AK5: variants seen among roughly 807,000 people sequenced by gnomAD.
The protein encoded by AK5 is adenylate kinase 5.
Under a neutral mutation model 69.5 loss-of-function variants are expected in AK5, and 27 were observed. The ratio of observed to expected loss-of-function variants is 0.39; its 90% confidence interval spans 0.29 to 0.54. The LOEUF (loss-of-function observed/expected upper bound fraction) is 0.54. Ranked by LOEUF, AK5 falls within the 20% of genes least tolerant of loss-of-function variation. AK5 has a pLI of 0.71. For synonymous variants in AK5, 260 were observed against 244.4 expected (o/e 1.06, Z -0.60); for missense variants, 531 against 700.4 (o/e 0.76, Z 2.73).
chr1:77,541,813 C>T (rs1230166009), intron 13 of AK5, among the ~76,000 whole-genome samples: 1 of 152,150 alleles, frequency 6.6e-6, no homozygotes, highest in African/African-American at 2.4e-5. Flanking sequence ...TGCACATTAC[C>T]ACGGCACTCT....
intron 2 of AK5, among the ~76,000 whole-genome samples, chr1:77,288,347 A>C (rs572753433): frequency 6.6e-6 from 1 of 152,296 alleles, no homozygotes; most frequent in South Asian, 2.1e-4. Flanking sequence ...ATTCTGTTCT[A>C]GTGGCCAAAA....
chr1:77,442,477 G>A (rs1167572353), intron 8 of AK5, among the ~76,000 whole-genome samples: 2 of 152,096 alleles, frequency 1.3e-5, no homozygotes, highest in African/African-American at 2.4e-5. Flanking sequence ...GAGCTGCTGC[G>A]ATCCTCTTGC....
chr1:77,285,279 C>T (rs1658290063), intron 1 of AK5, among the ~76,000 whole-genome samples: 1 of 152,190 alleles, frequency 6.6e-6, no homozygotes. Context: ...ATGTGAGAAG[C>T]TCAACTGCAA....
At chr1:77,472,292 G>A (rs1161869965) in intron 8 of AK5, among the ~76,000 whole-genome samples, 2 of 152,164 alleles carry the variant, frequency 1.3e-5, no homozygotes, top group East Asian at 3.9e-4. Flanking sequence ...AACGCATAGG[G>A]GATGCCTCCT....
chr1:77,475,398 AATATATATGTATATATATACTATATATT>A lies in AK5; in HGVS notation c.1060-7900_1060-7873del, dbSNP rs372299000. 1.4e-3 allele frequency among the ~76,000 whole-genome samples: 57 copies of A among 41,136 alleles called. 1 individual carries two copies. The highest frequency in any genetic ancestry group is 5.0e-3 in the African/African-American group (56 of 11,124). The allele number at this position is 41,136 out of a possible 152,430, so 27.0% of individuals were successfully genotyped here. ...ATATATTATATATATGTATATATAT[AATATATATGTATATATATACTATATATT>A]ATATATATGTATATATATTATATAT... On this transcript the variant is annotated intron_variant, in intron 8 of 13. Transcript: ENST00000354567.
At chr1:77,486,805 C>T (rs1175864004) in intron 10 of AK5, among the ~76,000 whole-genome samples, 9 of 152,006 alleles carry the variant, frequency 5.9e-5, no homozygotes, top group African/African-American at 1.2e-4. Flanking sequence ...ATTTCTTTCA[C>T]GTATGCAGTT....
At chr1:77,495,293 A>G (rs1656244337) in intron 10 of AK5, among the ~76,000 whole-genome samples, 1 of 152,272 alleles carries the variant, frequency 6.6e-6, no homozygotes, top group Non-Finnish European at 1.5e-5. Flanking sequence ...AAAAGCAAGG[A>G]AACCAAAATG....
chr1:77,339,608 A>G (rs1000626668), intron 5 of AK5, among the ~76,000 whole-genome samples: 3 of 150,968 alleles, frequency 2.0e-5, no homozygotes, highest in South Asian at 2.1e-4. Flanking sequence ...TGGAGATAAC[A>G]TTTACCTTGC....
chr1:77,329,194 GA>G (rs11324649), intron 5 of AK5, among the ~76,000 whole-genome samples: 45,172 of 112,588 alleles, frequency 0.4, 7,657 homozygotes, highest in Middle Eastern at 0.52. Context: ...CTCCCTCAGT[GA>G]AAAAAAAAAA....
chr1:77,496,674 G>A lies in AK5; in HGVS notation c.1147+10322G>A, dbSNP rs1162238747. 2.0e-5 allele frequency among the ~76,000 whole-genome samples: 3 copies of A among 152,302 alleles called. No homozygotes were observed. The East Asian group carries it at 5.8e-4, about 29-fold the overall frequency. The stretch of plus-strand genomic sequence containing the variant: ...ACAGCCACATGGATGGAAGTGAGAG[G>A]TGAAGCCAGCTGGGCTTCTGGGTTG... On this transcript the variant is annotated intron_variant, in intron 10 of 13. Coordinates refer to ENST00000354567, the MANE Select transcript of AK5 (RefSeq NM_174858.3).
chr1:77,379,808 T>C (rs966412172), intron 6 of AK5, among the ~76,000 whole-genome samples: 1 of 152,226 alleles, frequency 6.6e-6, no homozygotes. Flanking sequence ...TTCTCAGATT[T>C]TAACTTGTAT....
chr1:77,493,075 A>G (rs1656090220), intron 10 of AK5, among the ~76,000 whole-genome samples: 1 of 152,164 alleles, frequency 6.6e-6, no homozygotes, highest in Non-Finnish European at 1.5e-5. Flanking sequence ...TTTAGGTGTC[A>G]ACTTGACTGG....
chr1:77,364,191 AT>A (rs1242467541), intron 6 of AK5, among the ~76,000 whole-genome samples: 1 of 152,190 alleles, frequency 6.6e-6, no homozygotes, highest in African/African-American at 2.4e-5. Context: ...TACCATAGAA[AT>A]GTATGGAATT....
At chr1:77,545,642 G>T (rs1171426619) in intron 13 of AK5, among the ~76,000 whole-genome samples, 1 of 152,126 alleles carries the variant, frequency 6.6e-6, no homozygotes, top group African/African-American at 2.4e-5. Flanking sequence ...GGCTCTCCAT[G>T]TTGCCCTGGG....
chr1:77,542,310 G>A (rs952858577), intron 13 of AK5, among the ~76,000 whole-genome samples: 10 of 152,180 alleles, frequency 6.6e-5, no homozygotes, highest in South Asian at 6.2e-4. Flanking sequence ...ATGACAAAAC[G>A]AGACTCGGTC....
intron 6 of AK5, chr1:77,346,264 C>T (rs1416749201): frequency 3.3e-5 from 5 of 152,102 alleles, no homozygotes. Context: ...CCATCAGACA[C>T]TCCTAGCCAC....
intron 6 of AK5, among the ~76,000 whole-genome samples, chr1:77,378,565 C>T (rs373703057): frequency 6.6e-6 from 1 of 152,248 alleles, no homozygotes; most frequent in African/African-American, 2.4e-5. Flanking sequence ...AAGTGATCCA[C>T]CCACCTTGGC....
intron 5 of AK5, among the ~76,000 whole-genome samples, chr1:77,331,500 A>G (rs1014343820): frequency 1.3e-5 from 2 of 152,164 alleles, no homozygotes; most frequent in Non-Finnish European, 2.9e-5. Flanking sequence ...CCTTTATTCT[A>G]TTCATTTCAT....
chr1:77,385,422 G>C (rs1477600669), intron 6 of AK5, among the ~76,000 whole-genome samples: 1 of 152,136 alleles, frequency 6.6e-6, no homozygotes, highest in Non-Finnish European at 1.5e-5. Context: ...GCCTCCCAAA[G>C]TGGTGGGATT....
Sources: allele counts gnomAD v4.1 joint callset (sites outside exome capture counted in the v4.1 genomes callset), GRCh38; gene constraint gnomAD v4.1.1; transcripts MANE v1.5; gene names NCBI Gene and HGNC (gene_info 2026-07-23, HGNC 2026-07-21).